Variants in VCL observed in about 807,000 individuals in gnomAD.
VCL encodes the protein epididymis luminal protein 114.
Under a neutral mutation model 125.7 loss-of-function variants are expected in VCL, and 47 were observed. The ratio of observed to expected loss-of-function variants is 0.37; its 90% CI spans 0.30 to 0.48. The LOEUF (loss-of-function observed/expected upper bound fraction) is 0.48, where lower values mean the gene tolerates loss of function less well. Ranked by LOEUF, VCL falls within the 20% of genes least tolerant of loss-of-function variation. The pLI, the probability that VCL is intolerant of heterozygous loss-of-function variation, is 0.99. For missense variants in VCL, 1,069 were observed against 1,455.5 expected (o/e 0.73, Z 4.32); for synonymous variants, 458 against 514.6 (o/e 0.89, Z 1.49).
rs1840356348 is a variant in VCL, at chr10:74,119,106, G to T, written c.*937G>T. ...TATCATTCATTCTTAGCTCTTAATT[G>T]TTCATTTTGAGCTGAAATGCTGCAT... is the stretch of plus-strand genomic sequence containing the variant. On this transcript the variant is annotated 3_prime_UTR_variant, in exon 22 of 22. Coordinates refer to ENST00000211998, the MANE Select transcript of VCL (RefSeq NM_014000.3). 6.6e-6 allele frequency: 1 copy of T among 152,570 alleles called. No individual in the cohort carries two copies. Among genetic ancestry groups the T allele is most frequent in the African/African-American group, 2.4e-5 (1 of 41,416 alleles). The allele number at this position is 152,570 out of a possible 1,614,324, so 9.5% of individuals were successfully genotyped here.
Position 73,998,395 on chromosome 10 carries a change from C to T in VCL, c.168+20C>T, listed in dbSNP as rs368934323. On this transcript the variant is annotated intron_variant, in intron 1 of 21. Coordinates refer to ENST00000211998, the MANE Select transcript of VCL (RefSeq NM_014000.3). The stretch of plus-strand genomic sequence containing the variant: ...GTCCGGGTGAGCGCGCAGGGCCTGG[C>T]GCGGGAGCGGGCGCGGGAGGTATCC... 33 of 1,458,514 alleles carry T rather than the reference C, an allele frequency of 2.3e-5. No individual in the cohort carries two copies. Among genetic ancestry groups the T allele is most frequent in the Non-Finnish European group, 2.8e-5 (31 of 1,102,910 alleles). The allele number at this position is 1,458,514 out of a possible 1,614,324, so 90.3% of individuals were successfully genotyped here.
At chr10:74,087,487 T>C (rs964337560) in intron 8 of VCL, among the ~76,000 whole-genome samples, 6 of 148,298 alleles carry the variant, frequency 4.0e-5, no homozygotes, top group Non-Finnish European at 6.0e-5. Flanking sequence ...CTGGGACTAC[T>C]AGGCGCCTGC....
chr10:74,016,023 G>A (rs183440817), intron 1 of VCL, among the ~76,000 whole-genome samples: 1 of 151,910 alleles, frequency 6.6e-6, no homozygotes, highest in South Asian at 2.1e-4. Context: ...AAATAATGGG[G>A]TCTCCCTGTG....
intron 19 of VCL, 149 bp from the exon 20 acceptor site, chr10:74,114,035 C>A: frequency 1.2e-6 from 1 of 826,250 alleles, no homozygotes; most frequent in Non-Finnish European, 2.0e-6. Flanking sequence ...CTATCCGTAT[C>A]ACTCAAGAAC....
intron 8 of VCL, among the ~76,000 whole-genome samples, chr10:74,084,770 G>A (rs1839741094): frequency 6.6e-6 from 1 of 151,646 alleles, no homozygotes; most frequent in Admixed American, 6.6e-5. Flanking sequence ...GCGCCACCAT[G>A]CCCGGCTAAG....
intron 21 of VCL, 103 bp from the exon 22 acceptor site, chr10:74,117,920 G>T: frequency 2.0e-6 from 3 of 1,499,040 alleles, no homozygotes; most frequent in East Asian, 2.3e-5. Flanking sequence ...GGGATGCCAG[G>T]TACCAGTGGG....
intron 1 of VCL, among the ~76,000 whole-genome samples, chr10:74,012,165 C>A (rs1262467656): frequency 6.6e-6 from 1 of 152,194 alleles, no homozygotes; most frequent in Non-Finnish European, 1.5e-5. Context: ...CCAGCCTTCT[C>A]TTTGTCCTCT....
intron 21 of VCL, among the ~76,000 whole-genome samples, chr10:74,117,500 A>T (rs1840329462): frequency 6.6e-6 from 1 of 152,198 alleles, no homozygotes; most frequent in African/African-American, 2.4e-5. Flanking sequence ...ACAAAAAATT[A>T]AAAAATTACC....
intron 2 of VCL, among the ~76,000 whole-genome samples, chr10:74,066,366 G>A (rs974325447): frequency 8.5e-5 from 13 of 152,056 alleles, no homozygotes; most frequent in African/African-American, 2.4e-4. Flanking sequence ...GCCAATTTTG[G>A]TATATTCTCA....
At chr10:74,030,239 C>CT (rs750795414) in intron 1 of VCL, among the ~76,000 whole-genome samples, 1 of 152,202 alleles carries the variant, frequency 6.6e-6, no homozygotes, top group Non-Finnish European at 1.5e-5. Context: ...CCATCTTCAA[C>CT]TTACTGTTGT....
At chr10:74,041,896 CTATTT>C (rs1035938600) in intron 1 of VCL, among the ~76,000 whole-genome samples, 1 of 152,200 alleles carries the variant, frequency 6.6e-6, no homozygotes, top group African/African-American at 2.4e-5. Context: ...GAGTGAGACT[CTATTT>C]CAAAAACACA....
rs933906143 is a variant in VCL, at chr10:74,043,575, G to A, written c.239+422G>A. ...TTGGCCAAGCTGGTCTTGAACTTCC[G>A]ACCTCAGGTGATCCACCCACCTTGG... is the stretch of plus-strand genomic sequence containing the variant. On this transcript the variant is annotated intron_variant, in intron 2 of 21. Coordinates refer to ENST00000211998, the MANE Select transcript of VCL (RefSeq NM_014000.3). Among the ~76,000 whole-genome samples, 6 of 152,090 alleles carry A rather than the reference G, an allele frequency of 3.9e-5. No homozygotes were observed. In the South Asian group the frequency reaches 6.2e-4, roughly 16 times the overall value.
At chr10:74,058,927 G>A (rs1033194789) in intron 2 of VCL, among the ~76,000 whole-genome samples, 19 of 152,094 alleles carry the variant, frequency 1.2e-4, no homozygotes, top group Non-Finnish European at 2.6e-4. Context: ...GTGCGTATGC[G>A]TGAGAGAGAG....
At chr10:74,077,056 C>G (rs888687342) in intron 6 of VCL, 5 of 152,722 alleles carry the variant, frequency 3.3e-5, no homozygotes, top group African/African-American at 4.8e-5. Context: ...AGACCTGGTA[C>G]TCACCGTGTA....
At chr10:74,089,373 G>A (rs1192039023) in intron 9 of VCL, 24 bp downstream of exon 9, 1 of 1,613,014 alleles carries the variant, frequency 6.2e-7, no homozygotes, top group South Asian at 1.1e-5. Context: ...TTTTCAGGAG[G>A]GGTGGGAAAT....
Position 74,114,790 on chromosome 10 carries a change from T to G in VCL, c.3154-5T>G, listed in dbSNP as rs747279830. 5.0e-6 allele frequency: 8 copies of G among 1,600,864 alleles called. No individual in the cohort carries two copies. Among genetic ancestry groups the G allele is most frequent in the Non-Finnish European group, 6.8e-6 (8 of 1,174,454 alleles). On this transcript the variant is annotated splice_polypyrimidine_tract_variant and splice_region_variant and intron_variant, in intron 20 of 21. Transcript: ENST00000211998. Reference sequence around the variant, plus strand: ...GAAACATACCAAATTAAACTTTCTCTTTAGGTATGTGAGCGAATCCCAACC... The same window carrying G: ...GAAACATACCAAATTAAACTTTCTCGTTAGGTATGTGAGCGAATCCCAACC...
At position 74,058,938 on chromosome 10, in the gene VCL, A is replaced by G. The variant is rs183874747; in HGVS notation, c.240-11732A>G. ...GCACGTGCGTATGCGTGAGAGAGAG[A>G]GAGAAAGAGATCTACTGGAAAAAGA... On this transcript the variant is annotated intron_variant, in intron 2 of 21. Transcript: ENST00000211998. Among the ~76,000 whole-genome samples the G allele has an allele frequency of 5.4e-3, 816 of 152,170 alleles. 2 individuals are homozygous for G. The highest frequency in any genetic ancestry group is 7.6e-3 in the Non-Finnish European group (516 of 67,980).
chr10:74,074,893 G>C lies in VCL; in HGVS notation c.773G>C (p.Trp258Ser). 2 of 1,614,114 alleles carry C rather than the reference G, an allele frequency of 1.2e-6. No individual in the cohort carries two copies. The highest frequency in any genetic ancestry group is 1.7e-6 in the Non-Finnish European group (2 of 1,179,996). The change falls in exon 6 of 22, where the codon TGG becomes TCG. Residue 258 changes from tryptophan to serine, a missense_variant. This residue lies in a region of VCL where 760 missense variants were observed against 928.9 expected (regional missense o/e 0.82). Coordinates refer to ENST00000211998, the MANE Select transcript of VCL (RefSeq NM_014000.3). ...LQLTSWDEDA[W>S]ASKDTEAMKR... ...CTCACCTCTTGGGATGAAGATGCCT[G>C]GGCCAGCAAGGTACGTGTTCTTAGT... is the stretch of plus-strand genomic sequence containing the variant.
At chr10:74,114,751 G>T in intron 20 of VCL, 44 bp from the exon 21 acceptor site, 1 of 1,555,582 alleles carries the variant, frequency 6.4e-7, no homozygotes, top group Non-Finnish European at 8.7e-7. Flanking sequence ...GAGCTTGTGG[G>T]CAAGGCAAAC....
Sources: allele counts gnomAD v4.1 joint callset (sites outside exome capture counted in the v4.1 genomes callset), GRCh38; gene constraint gnomAD v4.1.1; regional missense constraint gnomAD v4.1.1; transcripts MANE v1.5; gene names NCBI Gene and HGNC (gene_info 2026-07-23, HGNC 2026-07-21).